The following PAPPA2 variants were observed in gnomAD, a reference collection of about 807,000 sequenced individuals.
PAPPA2 encodes pappalysin-2.
Under a neutral mutation model 176.4 loss-of-function variants are expected in PAPPA2, and 86 were observed. That is an observed-to-expected ratio of 0.49 (90% CI 0.41 to 0.58). The LOEUF (loss-of-function observed/expected upper bound fraction) is 0.58. Ranked by LOEUF, PAPPA2 falls within the 20% of genes least tolerant of loss-of-function variation. The probability of loss-of-function intolerance (pLI) is 0.00; values close to 1 mark genes in which losing one functional copy is unlikely to be tolerated. For missense variants in PAPPA2, 2,073 were observed against 2,256.9 expected (o/e 0.92, Z 1.65); for synonymous variants, 809 against 852.2 (o/e 0.95, Z 0.88).
chr1:176,701,037 T>TAC (rs1470721715), intron 8 of PAPPA2, among the ~76,000 whole-genome samples: 8 of 130,998 alleles, frequency 6.1e-5, no homozygotes, highest in African/African-American at 9.6e-5. Context: ...TCTAATTTGC[T>TAC]ACACACACAC....
chr1:176,485,494 C>T (rs1652606747), intron 1 of PAPPA2, among the ~76,000 whole-genome samples: 1 of 152,178 alleles, frequency 6.6e-6, no homozygotes, highest in Admixed American at 6.5e-5. Flanking sequence ...ATCACCTACT[C>T]AGGGAAGCAT....
intron 17 of PAPPA2, among the ~76,000 whole-genome samples, chr1:176,783,573 A>G (rs994892221): frequency 6.6e-6 from 1 of 152,212 alleles, no homozygotes; most frequent in African/African-American, 2.4e-5. Context: ...CGCACCTTCT[A>G]ACTTGGAAAT....
At chr1:176,716,616 T>TTG (rs1553396892) in intron 12 of PAPPA2, among the ~76,000 whole-genome samples, 5 of 144,988 alleles carry the variant, frequency 3.4e-5, no homozygotes, top group African/African-American at 7.8e-5. Context: ...TTTTTTTTTT[T>TTG]TTTTTTGTTT....
chr1:176,785,940 G>A (rs1380419910), intron 17 of PAPPA2, among the ~76,000 whole-genome samples: 1 of 152,110 alleles, frequency 6.6e-6, no homozygotes, highest in African/African-American at 2.4e-5. Flanking sequence ...GCCAAGCAAG[G>A]GTTTTCCTTT....
intron 21 of PAPPA2, among the ~76,000 whole-genome samples, chr1:176,808,000 C>A (rs1665981424): frequency 6.6e-6 from 1 of 152,100 alleles, no homozygotes; most frequent in South Asian, 2.1e-4. Flanking sequence ...TTTCAGAAGG[C>A]AGCCAAAGGA....
rs1188868058 is a variant in PAPPA2 at position 176,711,931 on chromosome 1, A to G, written c.3748A>G (p.Ser1250Gly). 2.7e-5 allele frequency: 44 copies of G among 1,613,776 alleles called. No homozygotes were observed. The highest frequency in any genetic ancestry group is 6.7e-5 in the Admixed American group (4 of 59,996). ...TGAAAATGAAACTCAGGATGACAGG[A>G]GTGAACAGCCAGAAGGTAGCCTGAA... ...ASENETQDDRSEQPEGSLKKE... is the reference protein window; with the variant it reads ...ASENETQDDRGEQPEGSLKKE... Residue 1250 changes from serine (S) to glycine (G), a missense_variant, in exon 12 of 23, where the codon AGT becomes GGT. Coordinates refer to ENST00000367662, the MANE Select transcript of PAPPA2 (RefSeq NM_020318.3).
At chr1:176,542,313 T>A (rs1014698584) in intron 1 of PAPPA2, among the ~76,000 whole-genome samples, 2 of 152,104 alleles carry the variant, frequency 1.3e-5, no homozygotes, top group African/African-American at 4.8e-5. Context: ...TATTTGAGTA[T>A]GGTGAGAAAT....
At chr1:176,617,823 G>T (rs1471219381) in intron 3 of PAPPA2, among the ~76,000 whole-genome samples, 1 of 152,136 alleles carries the variant, frequency 6.6e-6, no homozygotes, top group East Asian at 1.9e-4. Flanking sequence ...GGGATTGCTG[G>T]ATTAGGTCCA....
rs149220992 is a variant in PAPPA2 at position 176,768,839 on chromosome 1, G to A, written c.4324-768G>A. Among the ~76,000 whole-genome samples, 5 of 152,296 alleles carry A rather than the reference G, an allele frequency of 3.3e-5. No homozygotes were observed. In the East Asian group the frequency reaches 9.7e-4, roughly 29 times the overall value. Reference sequence around the variant, plus strand: ...ACAAGGTTTGGAAGATGCCTTGTATGCATTAACTCTCAGCACCATTCTCAG... The same window carrying A: ...ACAAGGTTTGGAAGATGCCTTGTATACATTAACTCTCAGCACCATTCTCAG... On this transcript the variant is annotated intron_variant, in intron 15 of 22. Coordinates refer to ENST00000367662, the MANE Select transcript of PAPPA2 (RefSeq NM_020318.3).
rs1261220760 is a variant in PAPPA2, at chr1:176,555,541, C to T, written c.-782C>T. ...ACAAGTTGGATGAGGGATTAAAAGCCTTCAACAACCAACAACCCCAAGCAT... is the reference window on the plus strand; with the variant it reads ...ACAAGTTGGATGAGGGATTAAAAGCTTTCAACAACCAACAACCCCAAGCAT... On this transcript the variant is annotated 5_prime_UTR_variant, in exon 2 of 23. Coordinates refer to ENST00000367662, the MANE Select transcript of PAPPA2 (RefSeq NM_020318.3). The T allele has an allele frequency of 6.6e-6, 1 of 152,260 alleles. No individual in the cohort carries two copies. Among genetic ancestry groups the T allele is most frequent in the Non-Finnish European group, 1.5e-5 (1 of 68,100 alleles). 9.4% of individuals were successfully genotyped at this position (152,260 alleles called of 1,614,324 possible).
chr1:176,788,954 A>C (rs996254821), intron 17 of PAPPA2, among the ~76,000 whole-genome samples: 2 of 152,128 alleles, frequency 1.3e-5, no homozygotes, highest in African/African-American at 4.8e-5. Context: ...CATCAATTAT[A>C]TTGCCATATC....
At chr1:176,490,952 A>G (rs1647259923) in intron 1 of PAPPA2, among the ~76,000 whole-genome samples, 1 of 152,194 alleles carries the variant, frequency 6.6e-6, no homozygotes, top group South Asian at 2.1e-4. Flanking sequence ...TCTGGTGACT[A>G]TGTGGTGATT....
intron 1 of PAPPA2, among the ~76,000 whole-genome samples, chr1:176,536,486 C>G (rs190274720): frequency 1.3e-3 from 198 of 152,310 alleles, no homozygotes; most frequent in African/African-American, 4.4e-3. Flanking sequence ...CTGACCTTGG[C>G]TAGACTAGTT....
intron 1 of PAPPA2, among the ~76,000 whole-genome samples, chr1:176,554,721 AAAG>A (rs1651164622): frequency 6.6e-6 from 1 of 152,208 alleles, no homozygotes; most frequent in African/African-American, 2.4e-5. Flanking sequence ...TCTGAGATAA[AAAG>A]GAGACCTATG....
intron 12 of PAPPA2, among the ~76,000 whole-genome samples, chr1:176,732,584 G>A (rs1444882828): frequency 1.3e-5 from 2 of 152,078 alleles, no homozygotes; most frequent in Non-Finnish European, 2.9e-5. Flanking sequence ...TCTATTAATA[G>A]CTTTAAAGTC....
Position 176,632,228 on chromosome 1 carries a change from G to GGT in PAPPA2, c.1991+36633_1991+36634insGT, listed in dbSNP as rs755065819. ...AGGTTGAAGACCAATAATTAGTAGT[G>GGT]ATGTGTGTGTGTGTGTGTGTGTGTG... On this transcript the variant is annotated intron_variant, in intron 3 of 22. Coordinates refer to ENST00000367662, the MANE Select transcript of PAPPA2 (RefSeq NM_020318.3). Among the ~76,000 whole-genome samples the GGT allele has an allele frequency of 3.4e-3, 467 of 137,834 alleles. 2 individuals carry two copies. Among genetic ancestry groups the GGT allele is most frequent in the East Asian group, 0.013 (64 of 5,032 alleles). 90.4% of individuals were successfully genotyped at this position (137,834 alleles called of 152,430 possible).
Position 176,835,901 on chromosome 1 carries a change from C to T in PAPPA2, c.5203-4272C>T, listed in dbSNP as rs1408997861. ...CCTACAGGCCCCCCCAGGTTCTGCC[C>T]CCAAGATTCTAAGAGAGACCTTGTG... On this transcript the variant is annotated intron_variant, in intron 21 of 22. Transcript: ENST00000367662. 2.6e-5 allele frequency among the ~76,000 whole-genome samples: 4 copies of T among 152,062 alleles called. No homozygotes were observed. In the East Asian group the frequency reaches 5.8e-4, roughly 22 times the overall value.
chr1:176,767,596 TTG>T (rs1249741350), intron 15 of PAPPA2, among the ~76,000 whole-genome samples: 17 of 152,310 alleles, frequency 1.1e-4, no homozygotes, highest in Non-Finnish European at 1.6e-4. Flanking sequence ...TCCGCCCACC[TTG>T]CCCTCCCAAA....
chr1:176,546,288 A>G (rs1650632526), intron 1 of PAPPA2, among the ~76,000 whole-genome samples: 2 of 151,986 alleles, frequency 1.3e-5, no homozygotes, highest in African/African-American at 4.8e-5. Flanking sequence ...ACCTCACTGC[A>G]CTCTCTTTAC....
Sources: gnomAD v4.1 joint callset for allele counts (sites outside exome capture counted in the v4.1 genomes callset) on GRCh38, gnomAD v4.1.1 for gene constraint, MANE v1.5 for transcripts, NCBI Gene and HGNC (gene_info 2026-07-23, HGNC 2026-07-21) for gene names.